PACSIN1: variants seen among roughly 807,000 people sequenced by gnomAD.
The protein encoded by PACSIN1 is protein kinase C and casein kinase substrate in neurons protein 1.
A neutral mutation model predicts 59.5 loss-of-function variants in PACSIN1; 15 were observed. The ratio of observed to expected loss-of-function variants is 0.25; its 90% CI spans 0.17 to 0.39. The LOEUF is 0.39. Ranked by LOEUF, PACSIN1 falls within the 10% of genes least tolerant of loss-of-function variation. PACSIN1 has a pLI of 1.00. For synonymous variants in PACSIN1, 210 were observed against 220.6 expected (o/e 0.95, Z 0.42); for missense variants, 420 against 580.2 (o/e 0.72, Z 2.84).
rs543025577 is a variant in PACSIN1 at position 34,468,294 on chromosome 6, G to C, written c.-64+2024G>C. ...AAGGACATCAAGATTTCCAGGCTTAGGAGGGGCCTAAAGAGAACTGTCTGG... is the reference window on the plus strand; with the variant it reads ...AAGGACATCAAGATTTCCAGGCTTACGAGGGGCCTAAAGAGAACTGTCTGG... On this transcript the variant is annotated intron_variant, in intron 1 of 9. Coordinates refer to ENST00000244458, the MANE Select transcript of PACSIN1 (RefSeq NM_020804.5). Among the ~76,000 whole-genome samples, 428 of 152,350 alleles carry C rather than the reference G, an allele frequency of 2.8e-3. 4 individuals carry two copies. The highest frequency in any genetic ancestry group is 9.7e-3 in the African/African-American group (405 of 41,580).
At chr6:34,526,431 C>T (rs1287254920) in intron 2 of PACSIN1, 63 bp downstream of exon 2, 18 of 1,362,068 alleles carry the variant, frequency 1.3e-5, no homozygotes, top group Non-Finnish European at 1.5e-5. Context: ...AGGCCAGGCT[C>T]CCTTATCACT....
At chr6:34,510,119 T>G (rs147156619) in intron 1 of PACSIN1, among the ~76,000 whole-genome samples, 2 of 152,374 alleles carry the variant, frequency 1.3e-5, no homozygotes, top group East Asian at 1.9e-4. Flanking sequence ...GCATTTGGGT[T>G]GCTTCCAATT....
At chr6:34,492,288 GC>G (rs1197595314) in intron 1 of PACSIN1, among the ~76,000 whole-genome samples, 4 of 138,050 alleles carry the variant, frequency 2.9e-5, no homozygotes, top group Non-Finnish European at 6.1e-5. Context: ...TGCAACCTCT[GC>G]CTCCTGCCTC....
intron 1 of PACSIN1, among the ~76,000 whole-genome samples, chr6:34,486,083 A>G (rs1766789628): frequency 6.6e-6 from 1 of 151,944 alleles, no homozygotes; most frequent in Non-Finnish European, 1.5e-5. Flanking sequence ...TTCTCATGTG[A>G]GGGAAAACCG....
intron 1 of PACSIN1, among the ~76,000 whole-genome samples, chr6:34,474,604 A>G (rs535247711): frequency 2.0e-5 from 3 of 152,124 alleles, no homozygotes; most frequent in Middle Eastern, 6.8e-3. Context: ...AGCCTGGCCA[A>G]CATGGTGAAA....
intron 1 of PACSIN1, among the ~76,000 whole-genome samples, chr6:34,501,708 G>A (rs900977275): frequency 6.6e-6 from 1 of 152,128 alleles, no homozygotes; most frequent in Non-Finnish European, 1.5e-5. Context: ...ATATCAGCAT[G>A]GGGAACTTTC....
Position 34,471,585 on chromosome 6 carries a change from G to T in PACSIN1, c.-64+5315G>T, listed in dbSNP as rs556159991. ...TCAAGGGTGGAATCACTAAATAGGGGTAATCCATTTGAGAAATAAAAGTCC... is the reference window on the plus strand; with the variant it reads ...TCAAGGGTGGAATCACTAAATAGGGTTAATCCATTTGAGAAATAAAAGTCC... On this transcript the variant is annotated intron_variant, in intron 1 of 9. Coordinates refer to ENST00000244458, the MANE Select transcript of PACSIN1 (RefSeq NM_020804.5). 2.8e-3 allele frequency among the ~76,000 whole-genome samples: 427 copies of T among 152,262 alleles called. 4 individuals carry two copies. The highest frequency in any genetic ancestry group is 9.7e-3 in the African/African-American group (404 of 41,542).
At chr6:34,466,836 C>T (rs941910030) in intron 1 of PACSIN1, among the ~76,000 whole-genome samples, 1 of 152,188 alleles carries the variant, frequency 6.6e-6, no homozygotes, top group Non-Finnish European at 1.5e-5. Context: ...AAGCCATGGG[C>T]TGCTGGGCAC....
chr6:34,527,209 GA>G (rs1158136059), intron 2 of PACSIN1, 122 bp from the exon 3 acceptor site: 4 of 981,586 alleles, frequency 4.1e-6, no homozygotes, highest in African/African-American at 1.9e-5. Flanking sequence ...CGGGGGCGGG[GA>G]CGGCGAGGCC....
intron 1 of PACSIN1, among the ~76,000 whole-genome samples, chr6:34,473,166 G>A (rs1275045525): frequency 6.9e-6 from 1 of 145,144 alleles, no homozygotes; most frequent in East Asian, 2.0e-4. Context: ...CTGAAGGAGG[G>A]TTGTCTTCTG....
chr6:34,527,007 C>T (rs962897415), intron 2 of PACSIN1, among the ~76,000 whole-genome samples: 1 of 152,188 alleles, frequency 6.6e-6, no homozygotes, highest in African/African-American at 2.4e-5. Context: ...CTCGCAAAAA[C>T]AAAATGAATA....
At position 34,530,088 on chromosome 6, in the gene PACSIN1, T is replaced by C. The variant is rs886545754; in HGVS notation, c.789-155T>C. Among the ~76,000 whole-genome samples the C allele has an allele frequency of 3.3e-5, 5 of 152,126 alleles. No individual in the cohort carries two copies. Among genetic ancestry groups the C allele is most frequent in the African/African-American group, 1.2e-4 (5 of 41,426 alleles). On this transcript the variant is annotated intron_variant, in intron 6 of 9. Coordinates refer to ENST00000244458, the MANE Select transcript of PACSIN1 (RefSeq NM_020804.5). This position sits in a 1 kb window ranked among gnomAD's most constrained non-coding sequence, Gnocchi z 4.4. ...GGAGGGAAAAGGAGTCCACCGAGCA[T>C]GCCCGGAGCTTATTCTTGCAAAGCC...
chr6:34,485,931 C>A (rs1276592495), intron 1 of PACSIN1, among the ~76,000 whole-genome samples: 1 of 152,112 alleles, frequency 6.6e-6, no homozygotes, highest in Non-Finnish European at 1.5e-5. Flanking sequence ...GATGGACAGG[C>A]CTTTCCAGGA....
At chr6:34,509,259 TGAA>T (rs781549560) in intron 1 of PACSIN1, among the ~76,000 whole-genome samples, 7 of 152,242 alleles carry the variant, frequency 4.6e-5, no homozygotes, top group Admixed American at 4.6e-4. Context: ...CACCATTTGT[TGAA>T]GAAGAACTAT....
At position 34,518,917 on chromosome 6, in the gene PACSIN1, C is replaced by T. The variant is rs1272534835; in HGVS notation, c.-63-7326C>T. On this transcript the variant is annotated intron_variant, in intron 1 of 9. Transcript: ENST00000244458. The surrounding 1 kb of genome is among the most constrained non-coding windows in gnomAD (Gnocchi z 4.4). The stretch of plus-strand genomic sequence containing the variant: ...CCCCACCTGAAACAGGCTTAGAGGC[C>T]CTCTAAAGATGTGGGCTGTGCAAAA... Among the ~76,000 whole-genome samples, 1 of 152,200 alleles carries T rather than the reference C, an allele frequency of 6.6e-6. No individual in the cohort carries two copies. The highest frequency in any genetic ancestry group is 1.5e-5 in the Non-Finnish European group (1 of 68,030).
At chr6:34,524,145 G>C (rs1467032222) in intron 1 of PACSIN1, among the ~76,000 whole-genome samples, 1 of 152,164 alleles carries the variant, frequency 6.6e-6, no homozygotes, top group Non-Finnish European at 1.5e-5. Context: ...ACCCCAGCAA[G>C]TTCCAAGAAC....
At chr6:34,482,701 A>G (rs1266979751) in intron 1 of PACSIN1, among the ~76,000 whole-genome samples, 2 of 144,576 alleles carry the variant, frequency 1.4e-5, no homozygotes, top group Non-Finnish European at 3.0e-5. Flanking sequence ...TTTTTTTGAG[A>G]CAGAGTCTCA....
intron 1 of PACSIN1, among the ~76,000 whole-genome samples, chr6:34,486,783 T>C (rs1766800789): frequency 6.6e-6 from 1 of 151,406 alleles, no homozygotes; most frequent in Admixed American, 6.6e-5. Context: ...ACAGTGCCTC[T>C]TCCCCACTTC....
Position 34,515,926 on chromosome 6 carries a change from G to A in PACSIN1, c.-63-10317G>A, listed in dbSNP as rs1438417885. Among the ~76,000 whole-genome samples, 1 of 151,990 alleles carries A rather than the reference G, an allele frequency of 6.6e-6. No homozygotes were observed. The highest frequency in any genetic ancestry group is 1.5e-5 in the Non-Finnish European group (1 of 67,970). On this transcript the variant is annotated intron_variant, in intron 1 of 9. Transcript: ENST00000244458. This position sits in a 1 kb window ranked among gnomAD's most constrained non-coding sequence, Gnocchi z 4.4. ...GGGTGGGGTGCAGGGGAGGAGCTGG[G>A]CCCTCTGCCCCAACTCTGGGCAGGG...
Sources: allele counts gnomAD v4.1 joint callset (sites outside exome capture counted in the v4.1 genomes callset), GRCh38; gene constraint gnomAD v4.1.1; non-coding constraint Gnocchi (gnomAD v3.1); transcripts MANE v1.5; gene names NCBI Gene and HGNC (gene_info 2026-07-23, HGNC 2026-07-21).